Variants in CNOT4 observed in about 807,000 individuals in gnomAD.
CNOT4 encodes CCR4-NOT transcription complex subunit 4.
In CNOT4, 8 loss-of-function variants were observed where a neutral mutation model predicts 73.8. That is an observed-to-expected ratio of 0.11 (90% CI 0.06 to 0.20). The LOEUF (loss-of-function observed/expected upper bound fraction) is 0.20. Among genes scored for constraint, CNOT4 ranks in the 10% least tolerant of loss-of-function variants. CNOT4 has a pLI of 1.00. For missense variants in CNOT4, 564 were observed against 883.4 expected (o/e 0.64, Z 4.58); for synonymous variants, 293 against 321.1 (o/e 0.91, Z 0.94).
At position 135,479,200 on chromosome 7, in the gene CNOT4, T is replaced by G. The variant is rs1802201078; in HGVS notation, c.-93+30689A>C. Reference sequence around the variant, plus strand: ...TCACCAAAGCCTATTAGAACCAAATTTTTTTTTTTTTTTTTTTTTTTTTTT... The same window carrying G: ...TCACCAAAGCCTATTAGAACCAAATGTTTTTTTTTTTTTTTTTTTTTTTTT... On this transcript the variant is annotated intron_variant, in intron 1 of 11. Transcript: ENST00000541284. Among the ~76,000 whole-genome samples the G allele has an allele frequency of 2.1e-5, 2 of 93,184 alleles. 1 individual carries two copies. Among genetic ancestry groups the G allele is most frequent in the South Asian group, 7.3e-4 (2 of 2,754 alleles). 61.1% of individuals were successfully genotyped at this position (93,184 alleles called of 152,430 possible). A position where few individuals can be genotyped will look rare whatever the true frequency, so the allele number is the denominator to read the frequency against.
chr7:135,454,319 C>A (rs941784102), intron 1 of CNOT4, among the ~76,000 whole-genome samples: 1 of 151,834 alleles, frequency 6.6e-6, no homozygotes, highest in African/African-American at 2.4e-5. Flanking sequence ...AGTATTACTA[C>A]AGAAAGTCTC....
chr7:135,490,639 C>T (rs182222317), intron 1 of CNOT4, among the ~76,000 whole-genome samples: 2 of 152,142 alleles, frequency 1.3e-5, no homozygotes, highest in African/African-American at 2.4e-5. Context: ...CCACTCCTTC[C>T]CCACCCACAC....
chr7:135,374,644 TA>T (rs11293181), intron 10 of CNOT4, among the ~76,000 whole-genome samples: 142,904 of 152,252 alleles, frequency 0.94, 67,131 homozygotes, highest in East Asian at 1. Flanking sequence ...TTAAAACTCT[TA>T]ACATTCTTTG....
chr7:135,439,864 C>A (rs1437922521), intron 1 of CNOT4, among the ~76,000 whole-genome samples: 5 of 151,836 alleles, frequency 3.3e-5, no homozygotes, highest in East Asian at 3.9e-4. Context: ...AAGGCTGGAC[C>A]ATTTTATAAA....
In CNOT4 at chr7:135,395,898, AAAAC is replaced by A; in HGVS notation, c.880-19_880-16del. Reference sequence around the variant, plus strand: ...CTGTTAGATATCTGAATAAAAAAGGAAAACAAATAATAACTACATGTTTATACAT... The same window carrying A: ...CTGTTAGATATCTGAATAAAAAAGGAAAATAATAACTACATGTTTATACAT... On this transcript the variant is annotated splice_polypyrimidine_tract_variant and intron_variant, in intron 8 of 11. Transcript: ENST00000541284. The A allele has an allele frequency of 1.9e-6, 3 of 1,570,454 alleles. No individual in the cohort carries two copies. Among genetic ancestry groups the A allele is most frequent in the Non-Finnish European group, 2.6e-6 (3 of 1,141,660 alleles).
At chr7:135,404,998 T>TAA (rs958308038) in intron 7 of CNOT4, among the ~76,000 whole-genome samples, 2 of 152,206 alleles carry the variant, frequency 1.3e-5, no homozygotes, top group Admixed American at 6.5e-5. Flanking sequence ...ATTTATGTTT[T>TAA]AAAAAGTTTT....
chr7:135,369,594 GTTAC>G (rs1376219793), intron 10 of CNOT4, among the ~76,000 whole-genome samples: 2 of 152,168 alleles, frequency 1.3e-5, no homozygotes, highest in Non-Finnish European at 2.9e-5. Context: ...CAGTGGTTAG[GTTAC>G]TTAAACAAAT....
chr7:135,364,155 G>T lies in CNOT4; in HGVS notation c.1628-89C>A, dbSNP rs1055148978. 6.3e-6 allele frequency: 6 copies of T among 952,826 alleles called. No homozygotes were observed. Among genetic ancestry groups the T allele is most frequent in the South Asian group, 1.6e-5 (1 of 61,292 alleles). The allele number at this position is 952,826 out of a possible 1,614,324, so 59.0% of individuals were successfully genotyped here. On this transcript the variant is annotated intron_variant, in intron 10 of 11. Coordinates refer to ENST00000541284, the MANE Select transcript of CNOT4 (RefSeq NM_001190850.2). The surrounding 1 kb of genome is among the most constrained non-coding windows in gnomAD (Gnocchi z 4.3). ...ATGTTGTTCTTTAGTGGTTAAGCGG[G>T]AGAAGAATTATTCTTTCTTTATTGA...
intron 1 of CNOT4, among the ~76,000 whole-genome samples, chr7:135,453,562 A>G (rs1364636281): frequency 6.6e-6 from 1 of 151,878 alleles, no homozygotes; most frequent in Non-Finnish European, 1.5e-5. Flanking sequence ...TAGGTAGGGC[A>G]TAAGGGGACA....
intron 1 of CNOT4, chr7:135,444,874 A>G: frequency 6.3e-7 from 1 of 1,598,254 alleles, no homozygotes; most frequent in Non-Finnish European, 8.6e-7. Context: ...GGGCTTTGCT[A>G]TTTCAACTAT....
chr7:135,482,632 A>G (rs1365183326), intron 1 of CNOT4, among the ~76,000 whole-genome samples: 1 of 152,070 alleles, frequency 6.6e-6, no homozygotes, highest in Non-Finnish European at 1.5e-5. Context: ...AAAGGAAAAA[A>G]AAGAGAGAGA....
At chr7:135,484,173 T>A (rs1333638258) in intron 1 of CNOT4, among the ~76,000 whole-genome samples, 1 of 151,764 alleles carries the variant, frequency 6.6e-6, no homozygotes, top group East Asian at 1.9e-4. Flanking sequence ...CTAGCCTGGG[T>A]GACAGAGTGG....
chr7:135,382,311 G>A (rs1260504174), intron 10 of CNOT4, among the ~76,000 whole-genome samples: 2 of 152,194 alleles, frequency 1.3e-5, no homozygotes, highest in African/African-American at 4.8e-5. Flanking sequence ...TGGAAGGCTA[G>A]TATGACCAGC....
chr7:135,392,796 A>G (rs1211628334), intron 10 of CNOT4, among the ~76,000 whole-genome samples: 2 of 152,190 alleles, frequency 1.3e-5, no homozygotes, highest in Non-Finnish European at 2.9e-5. Context: ...CTACTCGTCT[A>G]AAACATGAAA....
chr7:135,369,581 C>T (rs2129482503), intron 10 of CNOT4, among the ~76,000 whole-genome samples: 1 of 152,320 alleles, frequency 6.6e-6, no homozygotes, highest in African/African-American at 2.4e-5. Context: ...AAACCACAGG[C>T]TCCAGTGGTT....
intron 1 of CNOT4, among the ~76,000 whole-genome samples, chr7:135,453,028 A>G (rs921632433): frequency 6.6e-6 from 1 of 152,164 alleles, no homozygotes; most frequent in African/African-American, 2.4e-5. Flanking sequence ...TATTTGGGGG[A>G]AAAAGTATCT....
chr7:135,400,460 A>C (rs1376904223), intron 7 of CNOT4, among the ~76,000 whole-genome samples: 1 of 152,110 alleles, frequency 6.6e-6, no homozygotes, highest in African/African-American at 2.4e-5. Context: ...GATATTACAA[A>C]GGACGATTTC....
At chr7:135,443,941 G>A (rs1799647625) in intron 1 of CNOT4, among the ~76,000 whole-genome samples, 1 of 151,898 alleles carries the variant, frequency 6.6e-6, no homozygotes, top group Non-Finnish European at 1.5e-5. Context: ...TTGAGCCCAG[G>A]GGTTCGAGAC....
rs55732572 is a variant in CNOT4 at position 135,453,826 on chromosome 7, T to TTATA, written c.-92-15407_-92-15404dup. 5.1e-3 allele frequency among the ~76,000 whole-genome samples: 459 copies of TTATA among 89,900 alleles called. 4 individuals are homozygous for TTATA. The highest frequency in any genetic ancestry group is 9.4e-3 in the Middle Eastern group (2 of 212). The allele number at this position is 89,900 out of a possible 152,430, so 59.0% of individuals were successfully genotyped here. A position where few individuals can be genotyped will look rare whatever the true frequency, so the allele number is the denominator to read the frequency against. On this transcript the variant is annotated intron_variant, in intron 1 of 11. Coordinates refer to ENST00000541284, the MANE Select transcript of CNOT4 (RefSeq NM_001190850.2). Reference sequence around the variant, plus strand: ...AATATATATAATAAATATATATATTTTATATATATATATATATATATTATA... The same window carrying TTATA: ...AATATATATAATAAATATATATATTTTATATATATATATATATATATATATTATA...
Sources: gnomAD v4.1 joint callset for allele counts (sites outside exome capture counted in the v4.1 genomes callset) on GRCh38, gnomAD v4.1.1 for gene constraint, Gnocchi (gnomAD v3.1) non-coding constraint, MANE v1.5 for transcripts, NCBI Gene and HGNC (gene_info 2026-07-23, HGNC 2026-07-21) for gene names.